The following HSPG2 variants were observed in gnomAD, a reference collection of about 807,000 sequenced individuals.
HSPG2 encodes basement membrane-specific heparan sulfate proteoglycan core protein.
In HSPG2, 278 loss-of-function variants were observed where a neutral mutation model predicts 526.6. The observed-to-expected ratio is 0.53, with a 90% CI of 0.48 to 0.58. HSPG2 has a LOEUF of 0.58. Ranked by LOEUF, HSPG2 falls within the 20% of genes least tolerant of loss-of-function variation. HSPG2 has a pLI of 0.00. For missense variants in HSPG2, 5,354 were observed against 6,099.5 expected, an observed-to-expected ratio of 0.88 and a Z score of 4.07; for synonymous variants, 2,465 against 2,555.4, an observed-to-expected ratio of 0.96 and a Z score of 1.07.
At position 21,823,678 on chromosome 1, in the gene HSPG2, A is replaced by G. The variant is rs2097958739; in HGVS notation, c.12941T>C (p.Leu4314Pro). The G allele has an allele frequency of 1.2e-6, 2 of 1,613,504 alleles. No individual in the cohort carries two copies. Among genetic ancestry groups the G allele is most frequent in the Admixed American group, 1.7e-5 (1 of 59,986 alleles). ...RGSIQVDGEE[L>P]VSGRSPGPNV... is the part of the protein sequence containing the mutation. ...GGGACCTGGGGACCGGCCGCTGACC[A>G]GCTCCTCACCGTCGACTTGGATGGA... The change falls in exon 96 of 97, where the codon CTG (leucine) becomes CCG (proline). Residue 4314 changes from leucine to proline, a missense_variant. By Grantham distance (98) the Leu-to-Pro change is moderately conservative (BLOSUM62 -3). Transcript: ENST00000374695.
In HSPG2 at chr1:21,854,262, C is replaced by T. The variant is rs1487810754; in HGVS notation, c.6370G>A (p.Gly2124Ser). The T allele has an allele frequency of 6.3e-7, 1 of 1,586,026 alleles. No individual in the cohort carries two copies. The change falls in exon 50 of 97, where the codon GGC becomes AGC. Residue 2124 changes from glycine (G) to serine (S), a missense_variant. Transcript: ENST00000374695. Reference protein sequence around the residue: ...EYVCRVENGSGPKEASITVSV... With the variant: ...EYVCRVENGSSPKEASITVSV... Reference sequence around the variant, plus strand: ...ACAGTAATGGAGGCCTCCTTGGGGCCCGATCCATTCTCCACACGGCACACA... The same window carrying T: ...ACAGTAATGGAGGCCTCCTTGGGGCTCGATCCATTCTCCACACGGCACACA...
At position 21,828,698 on chromosome 1, in the gene HSPG2, G is replaced by C; in HGVS notation, c.12237+137C>G. The C allele has an allele frequency of 7.9e-7, 1 of 1,268,552 alleles. No individual in the cohort carries two copies. Among genetic ancestry groups the C allele is most frequent in the Non-Finnish European group, 1.1e-6 (1 of 903,028 alleles). 78.6% of individuals were successfully genotyped at this position (1,268,552 alleles called of 1,614,324 possible). On this transcript the variant is annotated intron_variant, in intron 88 of 96. Transcript: ENST00000374695. The surrounding 1 kb of genome is among the most constrained non-coding windows in gnomAD (Gnocchi z 6.0). Reference sequence around the variant, plus strand: ...TTACAGAGGAGGAAACTGAGGCTCAGAGGTACAGTGTCCTGGCCCAGGGCC... The same window carrying C: ...TTACAGAGGAGGAAACTGAGGCTCACAGGTACAGTGTCCTGGCCCAGGGCC...
chr1:21,860,573 A>G (rs1430531247), intron 39 of HSPG2, among the ~76,000 whole-genome samples: 1 of 151,646 alleles, frequency 6.6e-6, no homozygotes, highest in East Asian at 1.9e-4. Context: ...CTCACTGCAA[A>G]CTCCGTCTCC....
Position 21,848,128 on chromosome 1 carries a change from G to A in HSPG2, c.7738-35C>T. On this transcript the variant is annotated intron_variant, in intron 59 of 96. Coordinates refer to ENST00000374695, the MANE Select transcript of HSPG2 (RefSeq NM_005529.7). This position sits in a 1 kb window ranked among gnomAD's most constrained non-coding sequence, Gnocchi z 4.9. ...GCAGATGGCAGGAGGTATGGCAGTA[G>A]GTGTGGGCAGCTCCTCCACATCTTG... The A allele has an allele frequency of 1.9e-6, 3 of 1,553,058 alleles. No individual in the cohort carries two copies. Among genetic ancestry groups the A allele is most frequent in the Non-Finnish European group, 2.6e-6 (3 of 1,150,636 alleles).
Position 21,878,238 on chromosome 1 carries a change from C to T in HSPG2, c.2633G>A (p.Arg878His), listed in dbSNP as rs149479865. Residue 878 changes from arginine to histidine, a missense_variant, in exon 21 of 97, where the codon CGC becomes CAC. Physicochemically the swap from Arg to His is conservative, Grantham distance 29 (BLOSUM62 0). Transcript: ENST00000374695. The part of the protein sequence containing the change: ...KCRPVNQEIV[R>H]CDERGSMGTS... ...CCCCATGCTGCCACGCTCGTCACAGCGCACAATCTCCTGGTCTGGGACACA... is the reference window on the plus strand; with the variant it reads ...CCCCATGCTGCCACGCTCGTCACAGTGCACAATCTCCTGGTCTGGGACACA... 4.4e-4 allele frequency: 705 copies of T among 1,613,880 alleles called. No homozygotes were observed. The highest frequency in any genetic ancestry group is 5.7e-4 in the Non-Finnish European group (678 of 1,180,024).
intron 6 of HSPG2, among the ~76,000 whole-genome samples, chr1:21,888,941 T>A (rs1040914104): frequency 6.6e-6 from 1 of 152,188 alleles, no homozygotes; most frequent in Non-Finnish European, 1.5e-5. Flanking sequence ...TTGTCTTGTT[T>A]TAGAGGCAGG....
In HSPG2 at chr1:21,836,872, T is replaced by C. The variant is rs1379961724; in HGVS notation, c.10285A>G (p.Thr3429Ala). Reference sequence around the variant, plus strand: ...CCTTCCTTGAACCAACGGAGCTGGGTACCCCGGTCGCTGGGCACAGCACAG... The same window carrying C: ...CCTTCCTTGAACCAACGGAGCTGGGCACCCCGGTCGCTGGGCACAGCACAG... ...FHCAVPSDRG[T>A]QLRWFKEGGQ... is the part of the protein sequence containing the mutation. Residue 3429 changes from threonine (T) to alanine (A), a missense_variant, in exon 75 of 97, where the codon ACC becomes GCC. Coordinates refer to ENST00000374695, the MANE Select transcript of HSPG2 (RefSeq NM_005529.7). 1.3e-6 allele frequency: 2 copies of C among 1,577,416 alleles called. No individual in the cohort carries two copies. Among genetic ancestry groups the C allele is most frequent in the South Asian group, 1.2e-5 (1 of 86,152 alleles).
Position 21,851,690 on chromosome 1 carries a change from G to T in HSPG2, c.7014C>A (p.Gly2338=). The change falls in exon 55 of 97, where the codon GGC becomes GGA. Residue 2338 remains glycine (G), a synonymous_variant. Transcript: ENST00000374695. ...TQGANLAYPA[G]STQPIRIEPS... ...GCTCGATGCGGATGGGCTGGGTGCTGCCGGCAGCTGAGGGATAAGATGGTC... is the reference window on the plus strand; with the variant it reads ...GCTCGATGCGGATGGGCTGGGTGCTTCCGGCAGCTGAGGGATAAGATGGTC... The T allele has an allele frequency of 2.5e-6, 4 of 1,614,020 alleles. No individual in the cohort carries two copies. Among genetic ancestry groups the T allele is most frequent in the Non-Finnish European group, 3.4e-6 (4 of 1,180,036 alleles).
intron 3 of HSPG2, among the ~76,000 whole-genome samples, chr1:21,894,692 C>T (rs905294333): frequency 4.6e-5 from 7 of 152,018 alleles, no homozygotes; most frequent in African/African-American, 1.4e-4. Flanking sequence ...GGGCAGCCCC[C>T]GGGGAGGGGC....
chr1:21,880,644 G>A lies in HSPG2; in HGVS notation c.1998+12C>T, dbSNP rs1641423319. On this transcript the variant is annotated intron_variant, in intron 15 of 96. Coordinates refer to ENST00000374695, the MANE Select transcript of HSPG2 (RefSeq NM_005529.7). The stretch of plus-strand genomic sequence containing the variant: ...CTTTGCTCCCAGCCCTAAGGGCTCA[G>A]GCGCCACCCACCTCAGAGAACTGGA... 1 of 1,593,616 alleles carries A rather than the reference G, an allele frequency of 6.3e-7. No individual in the cohort carries two copies. The highest frequency in any genetic ancestry group is 1.3e-5 in the African/African-American group (1 of 74,598).
rs1354868623 is a variant in HSPG2 at position 21,872,348 on chromosome 1, G to A, written c.4059C>T (p.Phe1353=). The part of the protein sequence containing the change: ...LISTHFAPGD[F]QGFALVNPQR... ...GTGGGTTCACCAGGGCAAAGCCTTG[G>A]AAGTCCCCAGGGGCAAAGTGGGTGG... The change falls in exon 33 of 97, where the codon TTC becomes TTT. Residue 1353 remains phenylalanine (F), a synonymous_variant. Transcript: ENST00000374695. This position sits in a 1 kb window ranked among gnomAD's most constrained non-coding sequence, Gnocchi z 5.5. 5.7e-6 allele frequency: 9 copies of A among 1,580,200 alleles called. No individual in the cohort carries two copies. The highest frequency in any genetic ancestry group is 1.2e-5 in the South Asian group (1 of 86,238).
rs200823407 is a variant in HSPG2 at position 21,921,822 on chromosome 1, C to T, written c.63+15333G>A. 2.0e-5 allele frequency among the ~76,000 whole-genome samples: 3 copies of T among 152,204 alleles called. No homozygotes were observed. The East Asian group carries it at 5.8e-4, about 29-fold the overall frequency. Reference sequence around the variant, plus strand: ...TTGGACCACCAGCTGTCCAGGAAGGCTCAACCTGCTATCCCTAGGGAAGGT... The same window carrying T: ...TTGGACCACCAGCTGTCCAGGAAGGTTCAACCTGCTATCCCTAGGGAAGGT... On this transcript the variant is annotated intron_variant, in intron 1 of 96. Coordinates refer to ENST00000374695, the MANE Select transcript of HSPG2 (RefSeq NM_005529.7).
rs147439812 is a variant in HSPG2 at position 21,891,881 on chromosome 1, T to C, written c.245-1187A>G. Among the ~76,000 whole-genome samples, 413 of 152,344 alleles carry C rather than the reference T, an allele frequency of 2.7e-3. 2 individuals carry two copies. The highest frequency in any genetic ancestry group is 9.3e-3 in the African/African-American group (388 of 41,570). On this transcript the variant is annotated intron_variant, in intron 3 of 96. Coordinates refer to ENST00000374695, the MANE Select transcript of HSPG2 (RefSeq NM_005529.7). Reference sequence around the variant, plus strand: ...TCACTTTGGCCTCCCAAAGTACATCTATCGTTTCTTAAGCACCGACTATAT... The same window carrying C: ...TCACTTTGGCCTCCCAAAGTACATCCATCGTTTCTTAAGCACCGACTATAT...
rs998073485 is a variant in HSPG2, at chr1:21,865,559, T to C, written c.4314+158A>G. ...GCAGCAGGATCCTCTGCTTGGGTAG[T>C]GTCCAACCAGGCAGGGATGTGGGGG... On this transcript the variant is annotated intron_variant, in intron 34 of 96. Transcript: ENST00000374695. This position sits in a 1 kb window ranked among gnomAD's most constrained non-coding sequence, Gnocchi z 5.4. Among the ~76,000 whole-genome samples the C allele has an allele frequency of 1.3e-4, 20 of 152,194 alleles. No individual in the cohort carries two copies. The highest frequency in any genetic ancestry group is 2.6e-4 in the Admixed American group (4 of 15,290).
Position 21,824,426 on chromosome 1 carries a change from G to C in HSPG2, c.12745-50C>G. The C allele has an allele frequency of 6.2e-7, 1 of 1,606,264 alleles. No individual in the cohort carries two copies. The highest frequency in any genetic ancestry group is 8.5e-7 in the Non-Finnish European group (1 of 1,173,934). ...GGGGTCCCCAGCCTGGAGAGCAGAG[G>C]CTGCCGAGGCCAGGGGGCTCTGCTT... On this transcript the variant is annotated intron_variant, in intron 93 of 96. Coordinates refer to ENST00000374695, the MANE Select transcript of HSPG2 (RefSeq NM_005529.7). The surrounding 1 kb of genome is among the most constrained non-coding windows in gnomAD (Gnocchi z 5.9).
intron 47 of HSPG2, 145 bp from the exon 48 acceptor site, chr1:21,855,128 G>A: frequency 1.5e-6 from 2 of 1,357,306 alleles, no homozygotes; most frequent in Non-Finnish European, 2.0e-6. Flanking sequence ...ACGCCAGGCA[G>A]CCAAGAGGAC....
chr1:21,842,238 C>A lies in HSPG2; in HGVS notation c.9052+1G>T. 1 of 1,613,548 alleles carries A rather than the reference C, an allele frequency of 6.2e-7. No individual in the cohort carries two copies. The highest frequency in any genetic ancestry group is 8.5e-7 in the Non-Finnish European group (1 of 1,179,856). Reference sequence around the variant, plus strand: ...TTGCCCATGGCATCTGCCATACTCACGGTAGGAAGACCCCTCACTGGGCGG... The same window carrying A: ...TTGCCCATGGCATCTGCCATACTCAAGGTAGGAAGACCCCTCACTGGGCGG... On this transcript the variant is annotated splice_donor_variant, in intron 68 of 96. Transcript: ENST00000374695. LOFTEE classifies it high-confidence loss of function.
At chr1:21,884,707 G>A in intron 12 of HSPG2, 33 bp from the exon 13 acceptor site, 1 of 1,610,532 alleles carries the variant, frequency 6.2e-7, no homozygotes, top group Non-Finnish European at 8.5e-7. Context: ...GCTGCAGCCG[G>A]CTGTGGTGGG....
intron 33 of HSPG2, chr1:21,870,084 C>T: frequency 4.5e-6 from 1 of 223,192 alleles, no homozygotes; most frequent in Non-Finnish European, 7.5e-6. Context: ...CAGGCTGGGG[C>T]CTGGCCTGGC....
Sources: allele counts gnomAD v4.1 joint callset (sites outside exome capture counted in the v4.1 genomes callset), GRCh38; gene constraint gnomAD v4.1.1; non-coding constraint Gnocchi (gnomAD v3.1); transcripts MANE v1.5; gene names NCBI Gene and HGNC (gene_info 2026-07-23, HGNC 2026-07-21).